ADH1A: variants seen among roughly 807,000 people sequenced by gnomAD.
ADH1A encodes alcohol dehydrogenase 1A (class I), alpha polypeptide.
Under a neutral mutation model 35.2 loss-of-function variants are expected in ADH1A, and 29 were observed. The observed-to-expected ratio is 0.82, with a 90% CI of 0.61 to 1.12. The LOEUF is 1.12. Among genes scored for constraint, ADH1A ranks in the 50% most tolerant of loss-of-function variants. The pLI, the probability that ADH1A is intolerant of heterozygous loss-of-function variation, is 0.00. For missense variants in ADH1A, 469 were observed against 464.7 expected, an observed-to-expected ratio of 1.01 and a Z score of -0.09; for synonymous variants, 147 against 164.8, an observed-to-expected ratio of 0.89 and a Z score of 0.83.
In ADH1A at chr4:99,278,196, G is replaced by A. The variant is rs145563924; in HGVS notation, c.1103+1230C>T. 3.3e-3 allele frequency among the ~76,000 whole-genome samples: 496 copies of A among 151,914 alleles called. 3 individuals carry two copies. The highest frequency in any genetic ancestry group is 0.012 in the African/African-American group (477 of 41,426). On this transcript the variant is annotated intron_variant, in intron 8 of 8. Coordinates refer to ENST00000209668, the MANE Select transcript of ADH1A (RefSeq NM_000667.4). The stretch of plus-strand genomic sequence containing the variant: ...TCTGGTTTTGTTCATCTCTATATTT[G>A]CCATCATCTTTTCAATCCTATGATG...
At chr4:99,286,533 G>A (rs1733157087) in intron 3 of ADH1A, 1 of 281,454 alleles carries the variant, frequency 3.6e-6, no homozygotes, top group African/African-American at 2.2e-5. Context: ...CACTAACACG[G>A]AAGTTACTAG....
At chr4:99,289,805 A>C (rs1733246160) in intron 1 of ADH1A, among the ~76,000 whole-genome samples, 1 of 152,156 alleles carries the variant, frequency 6.6e-6, no homozygotes, top group South Asian at 2.1e-4. Flanking sequence ...ATTTCTTTTA[A>C]GTTGAGTTTG....
chr4:99,282,494 T>G lies in ADH1A; in HGVS notation c.680A>C (p.Lys227Thr). Residue 227 changes from lysine (K) to threonine (T), a missense_variant, in exon 6 of 9, where the codon AAG (lysine) becomes ACG (threonine). Coordinates refer to ENST00000209668, the MANE Select transcript of ADH1A (RefSeq NM_000667.4). ...CTCTTTGGCCTTTGCAAATTTGTCC[T>G]TGTTGATGTCCACCGCAATGATTCT... ...AARIIAVDIN[K>T]DKFAKAKELG... 2 of 1,614,204 alleles carry G rather than the reference T, an allele frequency of 1.2e-6. No homozygotes were observed. Among genetic ancestry groups the G allele is most frequent in the Non-Finnish European group, 1.7e-6 (2 of 1,180,042 alleles).
At chr4:99,289,154 T>C (rs994495977) in intron 1 of ADH1A, among the ~76,000 whole-genome samples, 46 of 152,342 alleles carry the variant, frequency 3.0e-4, no homozygotes, top group African/African-American at 1.1e-3. Context: ...TATTTTATTC[T>C]GTTTAATGGC....
At chr4:99,287,781 G>A in intron 1 of ADH1A, 116 bp from the exon 2 acceptor site, 3 of 1,126,216 alleles carry the variant, frequency 2.7e-6, no homozygotes, top group Non-Finnish European at 3.9e-6. Flanking sequence ...CCTAACAAGT[G>A]CTCTATAGAA....
chr4:99,284,820 C>CA lies in ADH1A; in HGVS notation c.260-18dup. On this transcript the variant is annotated splice_polypyrimidine_tract_variant and intron_variant, in intron 3 of 8. Transcript: ENST00000209668. ...CTTTATCACCTGGAGAGGGATAAAACAAATTCTTTTACAATTTCTATCCAG... is the reference window on the plus strand; with the variant it reads ...CTTTATCACCTGGAGAGGGATAAAACAAAATTCTTTTACAATTTCTATCCAG... 6.2e-7 allele frequency: 1 copy of CA among 1,604,184 alleles called. No homozygotes were observed. The highest frequency in any genetic ancestry group is 8.5e-7 in the Non-Finnish European group (1 of 1,171,206).
At position 99,284,528 on chromosome 4, in the gene ADH1A, G is replaced by A; in HGVS notation, c.438C>T (p.Thr146=). 1 of 1,614,220 alleles carries A rather than the reference G, an allele frequency of 6.2e-7. No individual in the cohort carries two copies. Among genetic ancestry groups the A allele is most frequent in the Non-Finnish European group, 8.5e-7 (1 of 1,180,032 alleles). ...KPIHHFLGIS[T]FSQYTVVDEN... The stretch of plus-strand genomic sequence containing the variant: ...CATCCACCACTGTGTACTGTGAGAA[G>A]GTGCTGATGCCAAGGAAGTGGTGGA... The change falls in exon 5 of 9, where the codon ACC becomes ACT. Residue 146 remains threonine (T), a synonymous_variant. Transcript: ENST00000209668.
intron 3 of ADH1A, among the ~76,000 whole-genome samples, 172 bp from the exon 4 acceptor site, chr4:99,284,975 T>A (rs1167223220): frequency 1.3e-5 from 2 of 152,206 alleles, no homozygotes; most frequent in Non-Finnish European, 2.9e-5. Flanking sequence ...CAGCCTTGTT[T>A]CCAGTTTGGG....
chr4:99,287,490 A>G (rs1198015796), intron 2 of ADH1A, 74 bp downstream of exon 2: 1 of 1,412,794 alleles, frequency 7.1e-7, no homozygotes, highest in Non-Finnish European at 9.7e-7. Context: ...GATCATATAA[A>G]AATTTGGTTG....
chr4:99,276,699 G>A, intron 8 of ADH1A, 51 bp from the exon 9 acceptor site: 1 of 1,531,896 alleles, frequency 6.5e-7, no homozygotes, highest in East Asian at 2.3e-5. Context: ...ATGCTTCCAT[G>A]TGAGAGTCCA....
chr4:99,286,115 A>G (rs1481491914), intron 3 of ADH1A, among the ~76,000 whole-genome samples: 1 of 152,066 alleles, frequency 6.6e-6, no homozygotes. Context: ...ACCAAGAAAA[A>G]TGGTTGGCCC....
At chr4:99,278,681 C>T (rs760655537) in intron 8 of ADH1A, among the ~76,000 whole-genome samples, 2 of 152,092 alleles carry the variant, frequency 1.3e-5, no homozygotes, top group East Asian at 1.9e-4. Flanking sequence ...AAGTCTCAGA[C>T]TCTGGAGCTA....
rs537973910 is a variant in ADH1A at position 99,278,491 on chromosome 4, A to G, written c.1103+935T>C. 13 of 152,238 alleles carry G rather than the reference A, an allele frequency of 8.5e-5. No individual in the cohort carries two copies. In the East Asian group the frequency reaches 2.5e-3, roughly 29 times the overall value. The allele number at this position is 152,238 out of a possible 1,614,324, so 9.4% of individuals were successfully genotyped here. On this transcript the variant is annotated intron_variant, in intron 8 of 8. Transcript: ENST00000209668. ...GACTGACACCGAGCATTGCCTGGGA[A>G]TCACATAAGATAATGCAGGTAAGAC...
chr4:99,280,253 C>A lies in ADH1A; in HGVS notation c.855G>T (p.Glu285Asp). Residue 285 changes from glutamate to aspartate, a missense_variant, in exon 7 of 9, where the codon GAG becomes GAT. Transcript: ENST00000209668. Reference protein sequence around the residue: ...TMMASLLCCHEACGTSVIVGV... With the variant: ...TMMASLLCCHDACGTSVIVGV... ...CTACGATGACACTTGTGCCACATGC[C>A]TCATGACAACATAACAGGGAAGCCA... The A allele has an allele frequency of 1.2e-6, 2 of 1,613,564 alleles. No homozygotes were observed.
At chr4:99,283,549 A>G (rs887178221) in intron 5 of ADH1A, among the ~76,000 whole-genome samples, 3 of 152,222 alleles carry the variant, frequency 2.0e-5, no homozygotes, top group African/African-American at 7.2e-5. Context: ...TAACTTACTT[A>G]GAAAAATACA....
intron 7 of ADH1A, 140 bp from the exon 8 acceptor site, chr4:99,279,704 C>T: frequency 9.7e-7 from 1 of 1,027,808 alleles, no homozygotes; most frequent in Non-Finnish European, 1.4e-6. Flanking sequence ...AGATACAGTA[C>T]CTCAATAAGC....
At chr4:99,284,827 T>G in intron 3 of ADH1A, 24 bp from the exon 4 acceptor site, 1 of 1,596,834 alleles carries the variant, frequency 6.3e-7, no homozygotes, top group Non-Finnish European at 8.6e-7. Flanking sequence ...AAACAAATTC[T>G]TTTACAATTT....
At chr4:99,285,338 T>C (rs1733121593) in intron 3 of ADH1A, among the ~76,000 whole-genome samples, 1 of 152,192 alleles carries the variant, frequency 6.6e-6, no homozygotes, top group African/African-American at 2.4e-5. Context: ...AGTTCTTTTT[T>C]TGAGGAAAAC....
chr4:99,287,062 A>G (rs1305331421), intron 2 of ADH1A, 74 bp from the exon 3 acceptor site: 11 of 1,543,106 alleles, frequency 7.1e-6, no homozygotes, highest in Non-Finnish European at 8.7e-6. Context: ...GTTCCCTGAA[A>G]TTGCGCTTCC....
Sources: gnomAD v4.1 joint callset for allele counts (sites outside exome capture counted in the v4.1 genomes callset) on GRCh38, gnomAD v4.1.1 for gene constraint, MANE v1.5 for transcripts, NCBI Gene and HGNC (gene_info 2026-07-23, HGNC 2026-07-21) for gene names.